The following TRA2B variants were observed in gnomAD, a reference collection of about 807,000 sequenced individuals.
TRA2B encodes the protein transformer-2 protein homolog beta.
TRA2B carries 14 observed loss-of-function variants against 41.7 expected under a neutral mutation model. The ratio of observed to expected loss-of-function variants is 0.34; its 90% CI spans 0.22 to 0.53. TRA2B has a LOEUF of 0.53. TRA2B is among the 20% of genes least tolerant of loss of function. TRA2B has a pLI of 0.95. For missense variants in TRA2B, 167 were observed against 396.8 expected (o/e 0.42, Z 4.92); for synonymous variants, 130 against 128.8 (o/e 1.01, Z -0.06).
Position 185,917,632 on chromosome 3 carries a change from A to G in TRA2B, c.*83T>C. On this transcript the variant is annotated 3_prime_UTR_variant, in exon 9 of 9. Coordinates refer to ENST00000453386, the MANE Select transcript of TRA2B (RefSeq NM_004593.3). Reference sequence around the variant, plus strand: ...CACCTAACTTCACTAGGCACTGTTCACTTTTTAAACAAGAGACAATAAAAA... The same window carrying G: ...CACCTAACTTCACTAGGCACTGTTCGCTTTTTAAACAAGAGACAATAAAAA... 1 of 1,502,662 alleles carries G rather than the reference A, an allele frequency of 6.7e-7. No individual in the cohort carries two copies. The highest frequency in any genetic ancestry group is 9.2e-7 in the Non-Finnish European group (1 of 1,086,836). The allele number at this position is 1,502,662 out of a possible 1,614,324, so 93.1% of individuals were successfully genotyped here. A position where few individuals can be genotyped will look rare whatever the true frequency, so the allele number is the denominator to read the frequency against.
In TRA2B at chr3:185,937,923, C is replaced by A. The variant is rs1017581596; in HGVS notation, c.-63G>T. The stretch of plus-strand genomic sequence containing the variant: ...CGAAGCTGCCAACCTCTTGCACCTT[C>A]CTTAAGGAGGCTCCGCCGCAGCCCC... On this transcript the variant is annotated 5_prime_UTR_variant, in exon 1 of 9. Transcript: ENST00000453386. 6.2e-7 allele frequency: 1 copy of A among 1,602,042 alleles called. No individual in the cohort carries two copies.
intron 4 of TRA2B, 28 bp from the exon 5 acceptor site, chr3:185,922,154 A>C: frequency 6.5e-7 from 1 of 1,540,860 alleles, no homozygotes; most frequent in Non-Finnish European, 8.9e-7. Context: ...ATTGTTACAT[A>C]CATCCTGAAC....
rs766786702 is a variant in TRA2B, at chr3:185,925,577, G to A, written c.220C>T (p.Arg74Cys). ...SRRHYTRSRS[R>C]SRSHRRSRSR... ...CGTGATCGTCTATGGGAGCGGGAGC[G>A]AGACCGTGACCGGGTATAATGCCTT... The change falls in exon 3 of 9, where the codon CGC becomes TGC. Residue 74 changes from arginine (R) to cysteine (C), a missense_variant. Coordinates refer to ENST00000453386, the MANE Select transcript of TRA2B (RefSeq NM_004593.3). 3.1e-6 allele frequency: 5 copies of A among 1,614,036 alleles called. No homozygotes were observed. The highest frequency in any genetic ancestry group is 4.2e-6 in the Non-Finnish European group (5 of 1,180,020).
chr3:185,918,778 G>A (rs1743602566), intron 7 of TRA2B, among the ~76,000 whole-genome samples: 1 of 152,114 alleles, frequency 6.6e-6, no homozygotes. Context: ...GGAGGCCAAG[G>A]CAGGAGGATC....
chr3:185,918,334 T>A (rs1270965603), intron 8 of TRA2B, 31 bp downstream of exon 8: 9 of 1,542,440 alleles, frequency 5.8e-6, no homozygotes, highest in African/African-American at 1.4e-5. Flanking sequence ...CATACTACAA[T>A]ATAAACAATC....
chr3:185,923,561 T>C (rs558057514), intron 4 of TRA2B: 11 of 344,546 alleles, frequency 3.2e-5, no homozygotes, highest in African/African-American at 1.7e-4. Flanking sequence ...CCTGGCGGAA[T>C]TGGGGTATAG....
chr3:185,934,214 T>C (rs907029580), intron 1 of TRA2B, among the ~76,000 whole-genome samples: 4 of 152,106 alleles, frequency 2.6e-5, no homozygotes, highest in Admixed American at 6.5e-5. Flanking sequence ...AAAACACTGA[T>C]CAACATAAAA....
chr3:185,923,520 T>C (rs568598782), intron 4 of TRA2B: 3 of 256,390 alleles, frequency 1.2e-5, no homozygotes, highest in African/African-American at 2.2e-5. Context: ...GACTCTAGAA[T>C]GTGAACCCAG....
At chr3:185,917,758 T>TA in intron 8 of TRA2B, 33 bp from the exon 9 acceptor site, 1 of 1,602,042 alleles carries the variant, frequency 6.2e-7, no homozygotes, top group Non-Finnish European at 8.5e-7. Context: ...GCTTTAATAT[T>TA]AAGTGAACTA....
intron 1 of TRA2B, chr3:185,937,369 C>A (rs901122333): frequency 4.0e-6 from 4 of 999,510 alleles, no homozygotes; most frequent in Admixed American, 5.9e-5. Context: ...ACCACGCGGC[C>A]TTACGAAGCG....
chr3:185,937,373 C>G, intron 1 of TRA2B: 1 of 999,720 alleles, frequency 1.0e-6, no homozygotes, highest in Non-Finnish European at 1.2e-6. Context: ...CGCGGCCTTA[C>G]GAAGCGCGGC....
At chr3:185,931,068 C>T (rs1412778660) in intron 1 of TRA2B, among the ~76,000 whole-genome samples, 1 of 152,210 alleles carries the variant, frequency 6.6e-6, no homozygotes, top group Non-Finnish European at 1.5e-5. Context: ...ATGGAAAAAA[C>T]TAACACACTA....
rs1000155967 is a variant in TRA2B at position 185,916,675 on chromosome 3, G to T, written c.*1040C>A. 2 of 152,492 alleles carry T rather than the reference G, an allele frequency of 1.3e-5. No homozygotes were observed. Among genetic ancestry groups the T allele is most frequent in the Admixed American group, 6.6e-5 (1 of 15,260 alleles). 9.4% of individuals were successfully genotyped at this position (152,492 alleles called of 1,614,324 possible). A position where few individuals can be genotyped will look rare whatever the true frequency, so the allele number is the denominator to read the frequency against. On this transcript the variant is annotated 3_prime_UTR_variant, in exon 9 of 9. Coordinates refer to ENST00000453386, the MANE Select transcript of TRA2B (RefSeq NM_004593.3). The stretch of plus-strand genomic sequence containing the variant: ...AGCCCAAGGAACACACTGCCCTAAC[G>T]ATTAAACTACAGAAGAACTCTAATT...
chr3:185,923,741 A>T, intron 4 of TRA2B, 55 bp downstream of exon 4: 1 of 1,490,542 alleles, frequency 6.7e-7, no homozygotes. Flanking sequence ...GGTCACTGAT[A>T]ACTTGGCGTT....
chr3:185,925,943 C>T (rs962655195), intron 2 of TRA2B, among the ~76,000 whole-genome samples: 4 of 152,182 alleles, frequency 2.6e-5, no homozygotes, highest in African/African-American at 9.7e-5. Flanking sequence ...AGACCATTCT[C>T]TACTTTTCTG....
intron 6 of TRA2B, 135 bp from the exon 7 acceptor site, chr3:185,919,631 C>G: frequency 1.5e-6 from 1 of 681,696 alleles, no homozygotes; most frequent in East Asian, 2.9e-5. Context: ...ATTTGCCACC[C>G]TTTTTAGAAA....
rs1034410132 is a variant in TRA2B, at chr3:185,915,522, A to T, written c.*2193T>A. ...TGAAACTGGCGACTAGCATTACAGC[A>T]CATCAAAAGACTACCACTTTGTCTC... On this transcript the variant is annotated 3_prime_UTR_variant, in exon 9 of 9. Transcript: ENST00000453386. Among the ~76,000 whole-genome samples the T allele has an allele frequency of 1.3e-5, 2 of 152,124 alleles. No homozygotes were observed. The highest frequency in any genetic ancestry group is 4.8e-5 in the African/African-American group (2 of 41,428).
chr3:185,920,186 T>C (rs1743664602), intron 6 of TRA2B, among the ~76,000 whole-genome samples: 1 of 152,230 alleles, frequency 6.6e-6, no homozygotes, highest in Admixed American at 6.5e-5. Flanking sequence ...TTTAAAATTA[T>C]TCTCTGGACT....
At chr3:185,937,702 C>T in intron 1 of TRA2B, 123 bp downstream of exon 1, 1 of 1,371,076 alleles carries the variant, frequency 7.3e-7, no homozygotes, top group Non-Finnish European at 1.0e-6. Flanking sequence ...CCCTTGCCTG[C>T]CCTCCCGGCT....
Sources: allele counts gnomAD v4.1 joint callset (sites outside exome capture counted in the v4.1 genomes callset), GRCh38; gene constraint gnomAD v4.1.1; transcripts MANE v1.5; gene names NCBI Gene and HGNC (gene_info 2026-07-23, HGNC 2026-07-21).